Variants in RNF220 observed in about 807,000 individuals in gnomAD.
RNF220 encodes the protein E3 ubiquitin-protein ligase RNF220.
In RNF220, 7 loss-of-function variants were observed where a neutral mutation model predicts 67.1. The observed-to-expected ratio is 0.10, with a 90% CI of 0.06 to 0.20. The LOEUF is 0.20. Ranked by LOEUF, RNF220 falls within the 10% of genes least tolerant of loss-of-function variation. RNF220 has a pLI of 1.00. For synonymous variants in RNF220, 270 were observed against 283.2 expected (o/e 0.95, Z 0.47); for missense variants, 565 against 740.3 (o/e 0.76, Z 2.75).
intron 2 of RNF220, among the ~76,000 whole-genome samples, chr1:44,431,829 T>G (rs143845796): frequency 1.3e-5 from 2 of 152,356 alleles, no homozygotes; most frequent in African/African-American, 2.4e-5. Context: ...ATGTGCTCAT[T>G]GATCCTGCTG....
intron 2 of RNF220, among the ~76,000 whole-genome samples, chr1:44,559,625 GCTGGGACAGATGAGCAGGC>G (rs984883457): frequency 6.6e-5 from 10 of 152,216 alleles, no homozygotes; most frequent in African/African-American, 2.4e-4. Flanking sequence ...GGGGAGTGGG[GCTGGGACAGATGAGCAGGC>G]CTGTTAGGAA....
In RNF220 at chr1:44,650,754, C is replaced by T. The variant is rs952267265; in HGVS notation, c.1680C>T (p.Asp560=). 6.2e-7 allele frequency: 1 copy of T among 1,613,918 alleles called. No individual in the cohort carries two copies. The highest frequency in any genetic ancestry group is 1.1e-5 in the South Asian group (1 of 91,086). ...PQCNTITAPG[D]LRRIYL ...GCAACACGATCACAGCGCCCGGAGA[C>T]CTGCGGAGGATCTACTTGTGAGCTA... Residue 560 remains aspartate (D), a synonymous_variant, in exon 15 of 15, where the codon GAC becomes GAT. Transcript: ENST00000361799. The surrounding 1 kb of genome is among the most constrained non-coding windows in gnomAD (Gnocchi z 4.3).
intron 5 of RNF220, among the ~76,000 whole-genome samples, chr1:44,629,617 T>C (rs1644056004): frequency 6.6e-6 from 1 of 152,146 alleles, no homozygotes; most frequent in Non-Finnish European, 1.5e-5. Flanking sequence ...GCAAGTGGAC[T>C]GCTTGAGGCC....
intron 2 of RNF220, among the ~76,000 whole-genome samples, chr1:44,481,438 A>G (rs1393003594): frequency 6.6e-6 from 1 of 152,178 alleles, no homozygotes; most frequent in Non-Finnish European, 1.5e-5. Context: ...ACACAAGAAC[A>G]GAAAACCAAA....
chr1:44,615,322 A>T (rs1643497443), intron 3 of RNF220, among the ~76,000 whole-genome samples: 1 of 152,204 alleles, frequency 6.6e-6, no homozygotes, highest in Non-Finnish European at 1.5e-5. Flanking sequence ...AGGCAGTATT[A>T]GACCACCCAG....
At position 44,405,388 on chromosome 1, in the gene RNF220, T is replaced by TGCTGCC. The variant is rs1553208928; in HGVS notation, c.-255_-254insCGCTGC. On this transcript the variant is annotated 5_prime_UTR_variant, in exon 1 of 15. Transcript: ENST00000361799. ...GGGGCCAGCCGCCTACTGCTGCTGC[T>TGCTGCC]GCTGCTGCCGCTGCCGCCGCCGCCG... is the stretch of plus-strand genomic sequence containing the variant. 6.5e-5 allele frequency: 41 copies of TGCTGCC among 629,286 alleles called. No individual in the cohort carries two copies. Among genetic ancestry groups the TGCTGCC allele is most frequent in the Non-Finnish European group, 6.0e-5 (21 of 349,050 alleles). The allele number at this position is 629,286 out of a possible 1,614,324, so 39.0% of individuals were successfully genotyped here.
In RNF220 at chr1:44,500,942, G is replaced by A. The variant is rs554554526; in HGVS notation, c.625+88220G>A. On this transcript the variant is annotated intron_variant, in intron 2 of 14. Transcript: ENST00000361799. ...CCCTTCGGGCATAGACGGGCCCTTG[G>A]CTCTTCTGTCCTGTCAGAGAGTGGG... Among the ~76,000 whole-genome samples, 796 of 152,228 alleles carry A rather than the reference G, an allele frequency of 5.2e-3. 1 individual carries two copies. Among genetic ancestry groups the A allele is most frequent in the Middle Eastern group, 0.034 (10 of 294 alleles).
chr1:44,618,899 T>C (rs1358106238), intron 3 of RNF220, among the ~76,000 whole-genome samples: 1 of 152,000 alleles, frequency 6.6e-6, no homozygotes, highest in African/African-American at 2.4e-5. Flanking sequence ...GGGGTGCTTA[T>C]TGGGAGGAAG....
intron 6 of RNF220, 141 bp downstream of exon 6, chr1:44,632,526 T>A: frequency 1.2e-6 from 1 of 816,568 alleles, no homozygotes; most frequent in South Asian, 1.5e-5. Context: ...CCTGAGTATG[T>A]GCAAACCAAA....
At chr1:44,599,165 C>G (rs1323033969) in intron 2 of RNF220, among the ~76,000 whole-genome samples, 1 of 152,084 alleles carries the variant, frequency 6.6e-6, no homozygotes, top group African/African-American at 2.4e-5. Flanking sequence ...TACGGGGTAG[C>G]CCTGCTCCAC....
At chr1:44,500,904 C>T (rs1156245400) in intron 2 of RNF220, among the ~76,000 whole-genome samples, 4 of 152,214 alleles carry the variant, frequency 2.6e-5, no homozygotes, top group Admixed American at 2.6e-4. Context: ...GCTCGGGAGC[C>T]AGGGGCGAAG....
intron 3 of RNF220, among the ~76,000 whole-genome samples, chr1:44,617,077 C>G: frequency 6.6e-6 from 1 of 152,250 alleles, no homozygotes; most frequent in East Asian, 1.9e-4. Flanking sequence ...ACGTCGCGGC[C>G]CAGCCCAGCA....
chr1:44,644,888 C>T (rs999106755), intron 9 of RNF220, 94 bp downstream of exon 9: 2 of 1,522,292 alleles, frequency 1.3e-6, no homozygotes, highest in Non-Finnish European at 1.8e-6. Context: ...TGCACCACCC[C>T]CCGGGCCAGA....
intron 2 of RNF220, among the ~76,000 whole-genome samples, chr1:44,514,691 A>T (rs556616443): frequency 1.1e-4 from 17 of 152,218 alleles, no homozygotes; most frequent in South Asian, 2.1e-4. Flanking sequence ...AGATTTTTTT[A>T]AAAAAGATAT....
chr1:44,514,797 A>G (rs186006585), intron 2 of RNF220, among the ~76,000 whole-genome samples: 13 of 152,336 alleles, frequency 8.5e-5, no homozygotes, highest in Admixed American at 8.5e-4. Flanking sequence ...TCACAGAACC[A>G]CAGATTGGGG....
intron 2 of RNF220, among the ~76,000 whole-genome samples, chr1:44,445,987 C>G (rs1652045031): frequency 1.3e-5 from 2 of 152,136 alleles, no homozygotes; most frequent in Admixed American, 1.3e-4. Flanking sequence ...TGATTGGGTG[C>G]CAATCTGTTT....
At chr1:44,594,278 C>G (rs1440068938) in intron 2 of RNF220, among the ~76,000 whole-genome samples, 1 of 152,082 alleles carries the variant, frequency 6.6e-6, no homozygotes, top group East Asian at 1.9e-4. Flanking sequence ...CCCCCTCCCT[C>G]CTTGTTACTT....
At chr1:44,647,301 C>G (rs1364212074) in intron 12 of RNF220, among the ~76,000 whole-genome samples, 1 of 152,146 alleles carries the variant, frequency 6.6e-6, no homozygotes, top group African/African-American at 2.4e-5. Flanking sequence ...TCAGCTTAGT[C>G]CTTGGAGTGG....
At chr1:44,561,873 C>T (rs913883012) in intron 2 of RNF220, among the ~76,000 whole-genome samples, 1 of 152,186 alleles carries the variant, frequency 6.6e-6, no homozygotes, top group African/African-American at 2.4e-5. Flanking sequence ...GCAGTGTTCA[C>T]GCCTCTGCAC....
Sources: gnomAD v4.1 joint callset for allele counts (sites outside exome capture counted in the v4.1 genomes callset) on GRCh38, gnomAD v4.1.1 for gene constraint, Gnocchi (gnomAD v3.1) non-coding constraint, MANE v1.5 for transcripts, NCBI Gene and HGNC (gene_info 2026-07-23, HGNC 2026-07-21) for gene names.